Variants in ITGB3BP observed in about 807,000 individuals in gnomAD.
ITGB3BP encodes the protein integrin subunit beta 3 binding protein.
A neutral mutation model predicts 29.1 loss-of-function variants in ITGB3BP; 27 were observed. The ratio of observed to expected loss-of-function variants is 0.93; its 90% confidence interval spans 0.68 to 1.28. ITGB3BP has a LOEUF of 1.28. Ranked by LOEUF, ITGB3BP falls within the 50% of genes most tolerant of loss-of-function variation. The probability of loss-of-function intolerance (pLI) is 0.00; values close to 1 mark genes in which losing one functional copy is unlikely to be tolerated. For missense variants in ITGB3BP, 192 were observed against 200.2 expected (o/e 0.96, Z 0.25); for synonymous variants, 61 against 61.4 (o/e 0.99, Z 0.03).
At chr1:63,469,474 G>A (rs754044274) in intron 4 of ITGB3BP, among the ~76,000 whole-genome samples, 7 of 151,880 alleles carry the variant, frequency 4.6e-5, no homozygotes, top group Non-Finnish European at 1.0e-4. Flanking sequence ...TTACAGACAT[G>A]GGCACCATGC....
In ITGB3BP at chr1:63,493,394, G is replaced by A. The variant is rs956286077; in HGVS notation, c.49-3176C>T. On this transcript the variant is annotated intron_variant, in intron 2 of 8. Coordinates refer to ENST00000271002, the MANE Select transcript of ITGB3BP (RefSeq NM_014288.5). ...CACGCCACCGCACTCTAGCCTGGGC[G>A]ACACAGGGAGATTCTGTCTCAAAAA... is the stretch of plus-strand genomic sequence containing the variant. Among the ~76,000 whole-genome samples, 47 of 151,568 alleles carry A rather than the reference G, an allele frequency of 3.1e-4. 2 individuals carry two copies. The highest frequency in any genetic ancestry group is 4.4e-5 in the Non-Finnish European group (3 of 67,972).
At chr1:63,512,154 T>C (rs1646213169) in intron 1 of ITGB3BP, among the ~76,000 whole-genome samples, 1 of 152,052 alleles carries the variant, frequency 6.6e-6, no homozygotes, top group South Asian at 2.1e-4. Flanking sequence ...AAAATTCTGG[T>C]TGCTACCAGA....
chr1:63,455,332 A>G (rs1044364730), intron 4 of ITGB3BP, among the ~76,000 whole-genome samples: 1 of 152,216 alleles, frequency 6.6e-6, no homozygotes, highest in African/African-American at 2.4e-5. Context: ...AAGAAAAGGA[A>G]AAGAGGAAAA....
intron 3 of ITGB3BP, among the ~76,000 whole-genome samples, chr1:63,486,647 C>T (rs1226372315): frequency 1.3e-5 from 2 of 151,952 alleles, no homozygotes; most frequent in Non-Finnish European, 2.9e-5. Context: ...ATCTACAGTA[C>T]ATATCAAGTA....
At position 63,507,620 on chromosome 1, in the gene ITGB3BP, G is replaced by C. The variant is rs943855953; in HGVS notation, c.48+908C>G. The stretch of plus-strand genomic sequence containing the variant: ...AAGTTGGATAATGGTATTCTAAATT[G>C]CTAATTATACTGTTAATGATTTTTT... On this transcript the variant is annotated intron_variant, in intron 2 of 8. Coordinates refer to ENST00000271002, the MANE Select transcript of ITGB3BP (RefSeq NM_014288.5). Among the ~76,000 whole-genome samples the C allele has an allele frequency of 3.9e-5, 6 of 152,132 alleles. No homozygotes were observed. The South Asian group carries it at 1.0e-3, about 26-fold the overall frequency.
chr1:63,441,580 T>C (rs1644731412), intron 8 of ITGB3BP, among the ~76,000 whole-genome samples: 1 of 152,040 alleles, frequency 6.6e-6, no homozygotes, highest in African/African-American at 2.4e-5. Context: ...TCAATATGAC[T>C]ACTCTGACAT....
In ITGB3BP at chr1:63,520,235, A is replaced by C. The variant is rs1235134081; in HGVS notation, c.5+2894T>G. Among the ~76,000 whole-genome samples the C allele has an allele frequency of 2.6e-5, 4 of 152,304 alleles. No individual in the cohort carries two copies. The East Asian group carries it at 7.7e-4, about 29-fold the overall frequency. On this transcript the variant is annotated intron_variant, in intron 1 of 8. Coordinates refer to ENST00000271002, the MANE Select transcript of ITGB3BP (RefSeq NM_014288.5). ...TTTATCATTCAATTAATAAATACTT[A>C]TTGAGCAACTATTTTATCAATGAGG... is the stretch of plus-strand genomic sequence containing the variant.
intron 1 of ITGB3BP, among the ~76,000 whole-genome samples, chr1:63,516,901 C>T (rs1370756580): frequency 6.6e-6 from 1 of 151,890 alleles, no homozygotes; most frequent in African/African-American, 2.4e-5. Context: ...ACAATGTTCA[C>T]TATTTGTGTG....
intron 8 of ITGB3BP, among the ~76,000 whole-genome samples, chr1:63,444,961 A>C (rs1308775467): frequency 2.6e-5 from 4 of 152,132 alleles, no homozygotes; most frequent in Non-Finnish European, 5.9e-5. Context: ...GATACGTATA[A>C]AGTGTTTATA....
At chr1:63,478,740 TA>T in intron 4 of ITGB3BP, 23 bp downstream of exon 4, 1 of 1,150,784 alleles carries the variant, frequency 8.7e-7, no homozygotes, top group Non-Finnish European at 1.3e-6. Context: ...TACACATATA[TA>T]ATTTCAAAAA....
intron 2 of ITGB3BP, among the ~76,000 whole-genome samples, chr1:63,495,933 G>A (rs1211426765): frequency 6.6e-6 from 1 of 152,096 alleles, no homozygotes; most frequent in Non-Finnish European, 1.5e-5. Context: ...GTAGATTAGG[G>A]CAGGGCTTTT....
intron 1 of ITGB3BP, among the ~76,000 whole-genome samples, chr1:63,509,102 T>A (rs1646143487): frequency 6.6e-6 from 1 of 152,200 alleles, no homozygotes; most frequent in African/African-American, 2.4e-5. Flanking sequence ...ACAGATGCTC[T>A]ATGTCTTTAT....
intron 4 of ITGB3BP, among the ~76,000 whole-genome samples, chr1:63,474,915 T>TGA (rs1645305343): frequency 6.1e-5 from 1 of 16,320 alleles, no homozygotes; most frequent in South Asian, 0.025. Flanking sequence ...ATAAATAAAA[T>TGA]AAAAACAAAA....
chr1:63,482,000 C>T (rs375808274), intron 3 of ITGB3BP, among the ~76,000 whole-genome samples: 11 of 151,956 alleles, frequency 7.2e-5, no homozygotes, highest in Admixed American at 5.9e-4. Context: ...AGGCTGGGTG[C>T]GGTGGCTCAT....
At chr1:63,525,041 G>A (rs1646560530), upstream of ITGB3BP, among the ~76,000 whole-genome samples, 1 of 152,262 alleles carries the variant, frequency 6.6e-6, no homozygotes, top group Middle Eastern at 3.4e-3. Flanking sequence ...TGGAAGATGG[G>A]TGTCAACTAC....
chr1:63,490,210 A>G lies in ITGB3BP; in HGVS notation c.57T>C (p.Asp19=). 1 of 1,559,910 alleles carries G rather than the reference A, an allele frequency of 6.4e-7. No individual in the cohort carries two copies. The highest frequency in any genetic ancestry group is 8.8e-7 in the Non-Finnish European group (1 of 1,136,542). ...TTTTCTTCCTTGTGATTTTTGAAGG[A>G]TCAAATGACTGGAAATAAATAATAA... is the stretch of plus-strand genomic sequence containing the variant. ...LDGLLEENSF[D]PSKITRKKSV... The change falls in exon 3 of 9, where the codon GAT becomes GAC. Residue 19 remains aspartate (D), a synonymous_variant. Coordinates refer to ENST00000271002, the MANE Select transcript of ITGB3BP (RefSeq NM_014288.5).
chr1:63,505,779 G>T (rs2100760724), intron 2 of ITGB3BP, among the ~76,000 whole-genome samples: 1 of 152,300 alleles, frequency 6.6e-6, no homozygotes, highest in Non-Finnish European at 1.5e-5. Flanking sequence ...ATACCCAGTA[G>T]TCATTCAGGA....
chr1:63,500,768 G>A (rs1279702592), intron 2 of ITGB3BP, among the ~76,000 whole-genome samples: 1 of 151,504 alleles, frequency 6.6e-6, no homozygotes, highest in Admixed American at 6.6e-5. Context: ...TTTTTTTCCA[G>A]AAGTGGACTA....
intron 2 of ITGB3BP, among the ~76,000 whole-genome samples, chr1:63,493,042 T>C (rs1201719053): frequency 2.7e-5 from 4 of 150,466 alleles, no homozygotes; most frequent in South Asian, 2.1e-4. Flanking sequence ...ACCCAGGAAG[T>C]TGAGGCTGTA....
Sources: allele counts gnomAD v4.1 joint callset (sites outside exome capture counted in the v4.1 genomes callset), GRCh38; gene constraint gnomAD v4.1.1; transcripts MANE v1.5; gene names NCBI Gene and HGNC (gene_info 2026-07-23, HGNC 2026-07-21).